Variants in IL10RA observed in about 807,000 individuals in gnomAD.
IL10RA encodes interleukin-10 receptor subunit alpha.
A neutral mutation model predicts 29.6 loss-of-function variants in IL10RA; 18 were observed. The observed-to-expected ratio is 0.61, with a 90% CI of 0.42 to 0.90. The LOEUF is 0.90. Ranked by LOEUF, IL10RA falls within the 40% of genes least tolerant of loss-of-function variation. IL10RA has a pLI of 0.00. For missense variants in IL10RA, 634 were observed against 716.6 expected (o/e 0.88, Z 1.32); for synonymous variants, 292 against 294.1 (o/e 0.99, Z 0.07).
intron 3 of IL10RA, among the ~76,000 whole-genome samples, chr11:117,990,526 G>C (rs536451869): frequency 6.6e-6 from 1 of 152,268 alleles, no homozygotes; most frequent in East Asian, 1.9e-4. Flanking sequence ...ATTTACAAAG[G>C]TGTGATATGT....
chr11:117,991,853 G>A (rs2058024351), intron 3 of IL10RA, among the ~76,000 whole-genome samples: 1 of 152,066 alleles, frequency 6.6e-6, no homozygotes, highest in African/African-American at 2.4e-5. Context: ...TCTTGCTTCA[G>A]CCTCCTTAGT....
Position 117,999,438 on chromosome 11 carries a change from C to T in IL10RA, c.1534C>T (p.Pro512Ser), listed in dbSNP as rs568445118. 8 of 1,614,194 alleles carry T rather than the reference C, an allele frequency of 5.0e-6. No individual in the cohort carries two copies. The South Asian group carries it at 8.8e-5, about 18-fold the overall frequency. ...AATGACTCTGGCTTCCTCAGGGGCC[C>T]CAACGGGACAGTGGAACCAGCCCAC... The part of the protein sequence containing the change: ...LEMTLASSGA[P>S]TGQWNQPTEE... Residue 512 changes from proline to serine, a missense_variant, in exon 7 of 7, where the codon CCA (proline) becomes TCA (serine). Transcript: ENST00000227752.
In IL10RA at chr11:117,989,643, G is replaced by C; in HGVS notation, c.367+23G>C. On this transcript the variant is annotated intron_variant, in intron 3 of 6. Transcript: ENST00000227752. The surrounding 1 kb of genome is among the most constrained non-coding windows in gnomAD (Gnocchi z 4.5). ...AAGGTGCTTTTCCTCCCTTGACTTA[G>C]AACATGGCTCTGAAGTCCCTTCCAG... is the stretch of plus-strand genomic sequence containing the variant. The C allele has an allele frequency of 1.2e-6, 2 of 1,611,044 alleles. No individual in the cohort carries two copies. Among genetic ancestry groups the C allele is most frequent in the Non-Finnish European group, 8.5e-7 (1 of 1,178,608 alleles).
At chr11:117,998,690 TCTCA>T in intron 6 of IL10RA, 21 bp from the exon 7 acceptor site, 1 of 1,610,684 alleles carries the variant, frequency 6.2e-7, no homozygotes, top group South Asian at 1.1e-5. Context: ...CTCCTGCTTC[TCTCA>T]CTCTGCCCTC....
chr11:117,988,186 G>A (rs1373028490), intron 1 of IL10RA, 196 bp from the exon 2 acceptor site: 1 of 661,928 alleles, frequency 1.5e-6, no homozygotes. Flanking sequence ...AGAGAGCACA[G>A]GGCAGTGATT....
At position 117,993,407 on chromosome 11, in the gene IL10RA, C is replaced by G; in HGVS notation, c.534C>G (p.Phe178Leu). The change falls in exon 4 of 7, where the codon TTC (phenylalanine) becomes TTG (leucine). Residue 178 changes from phenylalanine to leucine, a missense_variant. Coordinates refer to ENST00000227752, the MANE Select transcript of IL10RA (RefSeq NM_001558.4). Reference sequence around the variant, plus strand: ...CCATTCGCAAGGTGCCGGGAAACTTCACGGTATGGGGTTCCCCAAGGCCCC... The same window carrying G: ...CCATTCGCAAGGTGCCGGGAAACTTGACGGTATGGGGTTCCCCAAGGCCCC... The part of the protein sequence containing the change: ...EIAIRKVPGN[F>L]TFTHKKVKHE... 6.2e-7 allele frequency: 1 copy of G among 1,614,010 alleles called. No individual in the cohort carries two copies. Among genetic ancestry groups the G allele is most frequent in the Non-Finnish European group, 8.5e-7 (1 of 1,179,856 alleles).
rs1157711540 is a variant in IL10RA, at chr11:117,989,408, C to T, written c.189-34C>T. On this transcript the variant is annotated intron_variant, in intron 2 of 6. Transcript: ENST00000227752. This position sits in a 1 kb window ranked among gnomAD's most constrained non-coding sequence, Gnocchi z 4.5. Reference sequence around the variant, plus strand: ...TAAAGGAGGTAGGATTGAGCACAAGCTCGTTTCCAGTGCCTAACCTGGTAT... The same window carrying T: ...TAAAGGAGGTAGGATTGAGCACAAGTTCGTTTCCAGTGCCTAACCTGGTAT... 6.3e-7 allele frequency: 1 copy of T among 1,596,392 alleles called. No individual in the cohort carries two copies. Among genetic ancestry groups the T allele is most frequent in the South Asian group, 1.1e-5 (1 of 90,690 alleles).
Position 117,989,404 on chromosome 11 carries a change from C to A in IL10RA, c.189-38C>A. On this transcript the variant is annotated intron_variant, in intron 2 of 6. Transcript: ENST00000227752. The surrounding 1 kb of genome is among the most constrained non-coding windows in gnomAD (Gnocchi z 4.5). ...CCCTTAAAGGAGGTAGGATTGAGCA[C>A]AAGCTCGTTTCCAGTGCCTAACCTG... 1 of 1,590,518 alleles carries A rather than the reference C, an allele frequency of 6.3e-7. No homozygotes were observed. The highest frequency in any genetic ancestry group is 8.6e-7 in the Non-Finnish European group (1 of 1,158,436).
chr11:117,999,101 T>C lies in IL10RA; in HGVS notation c.1197T>C (p.Asp399=), dbSNP rs34400047. Residue 399 remains aspartate, a synonymous_variant, in exon 7 of 7, where the codon GAT becomes GAC. Coordinates refer to ENST00000227752, the MANE Select transcript of IL10RA (RefSeq NM_001558.4). ...TGGGGAGCAACAGCAGGGGCCAGGATGACAGTGGCATTGACTTAGTTCAAA... is the reference window on the plus strand; with the variant it reads ...TGGGGAGCAACAGCAGGGGCCAGGACGACAGTGGCATTGACTTAGTTCAAA... ...QQVGSNSRGQ[D]DSGIDLVQNS... is the part of the protein sequence containing the mutation. 231 of 1,611,262 alleles carry C rather than the reference T, an allele frequency of 1.4e-4. 1 individual carries two copies. The highest frequency in any genetic ancestry group is 1.9e-4 in the Non-Finnish European group (220 of 1,177,668).
downstream of IL10RA, chr11:118,001,631 G>A (rs1337072898): frequency 5.7e-6 from 2 of 353,398 alleles, no homozygotes; most frequent in East Asian, 1.5e-4. Context: ...GACAGACCCA[G>A]GGAGTCCTCA....
chr11:117,993,521 G>T, intron 4 of IL10RA, 111 bp downstream of exon 4: 3 of 942,516 alleles, frequency 3.2e-6, no homozygotes, highest in African/African-American at 1.6e-5. Context: ...CTAAAGGGAG[G>T]GTCTGGGATG....
Position 117,999,014 on chromosome 11 carries a change from C to G in IL10RA, c.1110C>G (p.Ser370Arg), listed in dbSNP as rs751278318. Residue 370 changes from serine (S) to arginine (R), a missense_variant, in exon 7 of 7, where the codon AGC becomes AGG. Coordinates refer to ENST00000227752, the MANE Select transcript of IL10RA (RefSeq NM_001558.4). ...GTGGCAGCAGCAATAGCACAGACAG[C>G]GGGATCTGCCTGCAGGAGCCCAGCC... ...CSSGSSNSTD[S>R]GICLQEPSLS... 1.2e-6 allele frequency: 2 copies of G among 1,613,512 alleles called. No individual in the cohort carries two copies. Among genetic ancestry groups the G allele is most frequent in the Admixed American group, 3.3e-5 (2 of 60,022 alleles).
In IL10RA at chr11:118,001,402, G is replaced by C. The variant is rs1352817423; in HGVS notation, c.*1761G>C. On this transcript the variant is annotated 3_prime_UTR_variant, in exon 7 of 7. Coordinates refer to ENST00000227752, the MANE Select transcript of IL10RA (RefSeq NM_001558.4). Reference sequence around the variant, plus strand: ...ATGTGAGGTTCTGCTGAGGAAATGGGTATGAATGTGCCTTGAACACAAAGC... The same window carrying C: ...ATGTGAGGTTCTGCTGAGGAAATGGCTATGAATGTGCCTTGAACACAAAGC... 2.2e-6 allele frequency: 1 copy of C among 452,766 alleles called. No homozygotes were observed. The highest frequency in any genetic ancestry group is 2.0e-5 in the African/African-American group (1 of 49,916). The allele number at this position is 452,766 out of a possible 1,614,324, so 28.0% of individuals were successfully genotyped here. A position where few individuals can be genotyped will look rare whatever the true frequency, so the allele number is the denominator to read the frequency against.
At chr11:117,998,645 T>A (rs2058071148) in intron 6 of IL10RA, 70 bp from the exon 7 acceptor site, 1 of 1,400,074 alleles carries the variant, frequency 7.1e-7, no homozygotes. Context: ...GGCCTGGCCT[T>A]CCCCGGCAGC....
intron 5 of IL10RA, 110 bp from the exon 6 acceptor site, chr11:117,995,479 C>A: frequency 7.5e-6 from 11 of 1,458,516 alleles, no homozygotes; most frequent in Non-Finnish European, 1.1e-5. Context: ...GGGCCACTCA[C>A]TGAATGGTTC....
intron 5 of IL10RA, chr11:117,995,207 A>G: frequency 2.9e-6 from 1 of 349,770 alleles, no homozygotes; most frequent in South Asian, 2.3e-5. Context: ...CTGACAGAGT[A>G]ATTAATTTGT....
downstream of IL10RA, chr11:118,001,731 G>T: frequency 3.8e-6 from 1 of 265,432 alleles, no homozygotes; most frequent in South Asian, 4.3e-5. Flanking sequence ...AACTCCCCAT[G>T]AGGATGTTGT....
rs75911988 is a variant in IL10RA at position 117,986,516 on chromosome 11, C to T, written c.49C>T (p.Leu17Phe). The change falls in exon 1 of 7, where the codon CTT becomes TTT. Residue 17 changes from leucine (L) to phenylalanine (F), a missense_variant. By Grantham distance (22) the Leu-to-Phe change is conservative. Coordinates refer to ENST00000227752, the MANE Select transcript of IL10RA (RefSeq NM_001558.4). ...GCTGGCGGCGCTCCTCAGCCTCCGT[C>T]TTGGCTCAGACGCTCATGGTAAGGC... ...VLLAALLSLR[L>F]GSDAHGTELP... 1 of 1,555,788 alleles carries T rather than the reference C, an allele frequency of 6.4e-7. No homozygotes were observed. The highest frequency in any genetic ancestry group is 8.7e-7 in the Non-Finnish European group (1 of 1,149,540).
rs757454888 is a variant in IL10RA at position 117,989,649 on chromosome 11, G to A, written c.367+29G>A. 2 of 1,607,612 alleles carry A rather than the reference G, an allele frequency of 1.2e-6. No homozygotes were observed. The highest frequency in any genetic ancestry group is 8.5e-7 in the Non-Finnish European group (1 of 1,175,912). ...CTTTTCCTCCCTTGACTTAGAACATGGCTCTGAAGTCCCTTCCAGCCAGGA... is the reference window on the plus strand; with the variant it reads ...CTTTTCCTCCCTTGACTTAGAACATAGCTCTGAAGTCCCTTCCAGCCAGGA... On this transcript the variant is annotated intron_variant, in intron 3 of 6. Coordinates refer to ENST00000227752, the MANE Select transcript of IL10RA (RefSeq NM_001558.4). The surrounding 1 kb of genome is among the most constrained non-coding windows in gnomAD (Gnocchi z 4.5).
Sources: allele counts gnomAD v4.1 joint callset (sites outside exome capture counted in the v4.1 genomes callset), GRCh38; gene constraint gnomAD v4.1.1; non-coding constraint Gnocchi (gnomAD v3.1); transcripts MANE v1.5; gene names NCBI Gene and HGNC (gene_info 2026-07-23, HGNC 2026-07-21).